The following CAPN3 variants were observed in gnomAD, a reference collection of about 807,000 sequenced individuals.
The protein encoded by CAPN3 is calpain-3.
Under a neutral mutation model 114.0 loss-of-function variants are expected in CAPN3, and 88 were observed. The observed-to-expected ratio is 0.77, with a 90% confidence interval of 0.65 to 0.92. The LOEUF (loss-of-function observed/expected upper bound fraction) is 0.92, where lower values mean the gene tolerates loss of function less well. Ranked by LOEUF, CAPN3 falls within the 40% of genes least tolerant of loss-of-function variation. CAPN3 has a pLI of 0.00. For synonymous variants in CAPN3, 386 were observed against 382.9 expected (o/e 1.01, Z -0.09); for missense variants, 1,028 against 1,069.0 (o/e 0.96, Z 0.53).
intron 1 of CAPN3, among the ~76,000 whole-genome samples, chr15:42,362,330 A>T (rs569398996): frequency 1.3e-4 from 20 of 152,360 alleles, no homozygotes; most frequent in Non-Finnish European, 1.8e-4. Context: ...CAGTGAAATC[A>T]TTGGTGGACT....
At chr15:42,396,102 C>T (rs1204144195) in intron 8 of CAPN3, among the ~76,000 whole-genome samples, 2 of 152,186 alleles carry the variant, frequency 1.3e-5, no homozygotes, top group African/African-American at 4.8e-5. Context: ...CCCATCCCAG[C>T]CCTGTGAACA....
chr15:42,404,070 CAAG>C lies in CAPN3; in HGVS notation c.1782+295_1782+297del, dbSNP rs1216744365. 11 of 546,512 alleles carry C rather than the reference CAAG, an allele frequency of 2.0e-5. No homozygotes were observed. In the African/African-American group the frequency reaches 2.1e-4, roughly 10 times the overall value. 33.9% of individuals were successfully genotyped at this position (546,512 alleles called of 1,614,324 possible). On this transcript the variant is annotated intron_variant, in intron 14 of 23. Transcript: ENST00000397163. ...GGAACAAGGCCACAGGAAGGGATGA[CAAG>C]AGCCGCAGCGAACACTGGATTCTGA...
rs376966106 is a variant in CAPN3, at chr15:42,398,590, TACACACACACACACAC to T, written c.1194-872_1194-857del. On this transcript the variant is annotated intron_variant, in intron 9 of 23. Transcript: ENST00000397163. ...CAGAGCGAGACTCTGTCTCAAAAAA[TACACACACACACACAC>T]ACACACACACACACACACACACACA... 6.5e-4 allele frequency among the ~76,000 whole-genome samples: 78 copies of T among 120,346 alleles called. 1 individual carries two copies. Among genetic ancestry groups the T allele is most frequent in the Admixed American group, 1.7e-3 (20 of 11,708 alleles). The allele number at this position is 120,346 out of a possible 152,430, so 79.0% of individuals were successfully genotyped here.
At chr15:42,386,706 A>G (rs2053417571) in intron 3 of CAPN3, among the ~76,000 whole-genome samples, 1 of 152,144 alleles carries the variant, frequency 6.6e-6, no homozygotes, top group Non-Finnish European at 1.5e-5. Context: ...TACCAAGGCT[A>G]TCACTCCTCT....
chr15:42,406,677 C>T (rs1481427022), intron 15 of CAPN3, among the ~76,000 whole-genome samples: 1 of 152,108 alleles, frequency 6.6e-6, no homozygotes, highest in Non-Finnish European at 1.5e-5. Flanking sequence ...GTGTTTCTTG[C>T]CCTCTTTCTC....
intron 1 of CAPN3, among the ~76,000 whole-genome samples, chr15:42,378,248 C>CCCGGGGGGAGCTATCCTG (rs1209914655): frequency 1.3e-5 from 2 of 152,186 alleles, no homozygotes; most frequent in Non-Finnish European, 2.9e-5. Flanking sequence ...TTGCCCCCAC[C>CCCGGGGGGAGCTATCCTG]CCGGGGGGAG....
In CAPN3 at chr15:42,409,737, A is replaced by G. The variant is rs200870551; in HGVS notation, c.1993-50A>G. 89 of 1,527,392 alleles carry G rather than the reference A, an allele frequency of 5.8e-5. 1 individual carries two copies. The African/African-American group carries it at 6.4e-4, about 11-fold the overall frequency. The allele number at this position is 1,527,392 out of a possible 1,614,324, so 94.6% of individuals were successfully genotyped here. A position where few individuals can be genotyped will look rare whatever the true frequency, so the allele number is the denominator to read the frequency against. On this transcript the variant is annotated intron_variant, in intron 17 of 23. Coordinates refer to ENST00000397163, the MANE Select transcript of CAPN3 (RefSeq NM_000070.3). ...ATTTGTTTTGCAAAGTGTCCGCGCC[A>G]GGAGCTGCTGTACTCCTGAACCATG...
chr15:42,384,353 A>C (rs1462219497), intron 1 of CAPN3, 130 bp from the exon 2 acceptor site: 3 of 722,104 alleles, frequency 4.2e-6, no homozygotes, highest in Non-Finnish European at 7.5e-6. Flanking sequence ...CAGAGGTTTC[A>C]GTGAGCCAAG....
At chr15:42,398,113 CATAT>C (rs2053753629) in intron 9 of CAPN3, among the ~76,000 whole-genome samples, 2 of 131,982 alleles carry the variant, frequency 1.5e-5, no homozygotes, top group Admixed American at 6.9e-5. Context: ...TTTTGGGGTA[CATAT>C]GTACCCATAT....
intron 15 of CAPN3, among the ~76,000 whole-genome samples, chr15:42,407,705 C>G (rs2054063924): frequency 6.6e-6 from 1 of 152,202 alleles, no homozygotes; most frequent in Admixed American, 6.5e-5. Flanking sequence ...ACTGACCATG[C>G]CACTAATCCG....
Position 42,385,531 on chromosome 15 carries a change from CAGAGAG to C in CAPN3, c.380-612_380-607del, listed in dbSNP as rs751078121. ...CCTATTATATATATATATACACACA[CAGAGAG>C]AGAGAGAGAGAGAGAGAGAGAGAAA... On this transcript the variant is annotated intron_variant, in intron 2 of 23. Coordinates refer to ENST00000397163, the MANE Select transcript of CAPN3 (RefSeq NM_000070.3). 1.7e-3 allele frequency: 627 copies of C among 360,346 alleles called. 1 individual carries two copies. Among genetic ancestry groups the C allele is most frequent in the East Asian group, 7.5e-3 (102 of 13,544 alleles). The allele number at this position is 360,346 out of a possible 1,614,324, so 22.3% of individuals were successfully genotyped here.
rs28364456 is a variant in CAPN3 at position 42,394,450 on chromosome 15, A to G, written c.1115+109A>G. On this transcript the variant is annotated intron_variant, in intron 8 of 23. Transcript: ENST00000397163. ...TATTGAAGATGCTTGGTATAAAATC[A>G]CCCTCAAAACCAATGATCCGCAGAG... is the stretch of plus-strand genomic sequence containing the variant. 3.9e-5 allele frequency: 34 copies of G among 870,402 alleles called. No individual in the cohort carries two copies. In the African/African-American group the frequency reaches 4.7e-4, roughly 12 times the overall value. 53.9% of individuals were successfully genotyped at this position (870,402 alleles called of 1,614,324 possible).
intron 1 of CAPN3, among the ~76,000 whole-genome samples, chr15:42,374,787 CA>C (rs1320387877): frequency 1.4e-5 from 2 of 142,054 alleles, no homozygotes; most frequent in Non-Finnish European, 3.1e-5. Context: ...AATCGAATAT[CA>C]TGTCTCTTTT....
intron 1 of CAPN3, among the ~76,000 whole-genome samples, chr15:42,383,894 T>G (rs2053313758): frequency 6.6e-6 from 1 of 151,730 alleles, no homozygotes; most frequent in Non-Finnish European, 1.5e-5. Flanking sequence ...AACTCTCAAG[T>G]TGCATCCTTA....
chr15:42,398,590 T>TACAC (rs376966106), intron 9 of CAPN3, among the ~76,000 whole-genome samples: 10,216 of 120,166 alleles, frequency 0.085, 504 homozygotes, highest in Admixed American at 0.12. Flanking sequence ...TCTCAAAAAA[T>TACAC]ACACACACAC....
intron 23 of CAPN3, 30 bp from the exon 24 acceptor site, chr15:42,411,717 T>C: frequency 1.0e-6 from 1 of 962,302 alleles, no homozygotes; most frequent in Non-Finnish European, 1.7e-6. Flanking sequence ...TCTTTTCTGA[T>C]CTACATTCTG....
rs909668085 is a variant in CAPN3 at position 42,408,250 on chromosome 15, G to A, written c.1840G>A (p.Glu614Lys). The change falls in exon 16 of 24, where the codon GAG becomes AAG. Residue 614 changes from glutamate to lysine, a missense_variant. Physicochemically the swap from Glu to Lys is moderately conservative, Grantham distance 56. Coordinates refer to ENST00000397163, the MANE Select transcript of CAPN3 (RefSeq NM_000070.3). ...FVSDRANSNKELGVDQESEEG... is the reference protein window; with the variant it reads ...FVSDRANSNKKLGVDQESEEG... ...TTCGGACAGAGCAAACAGCAACAAG[G>A]AGCTGGGTGTGGACCAGGAGTCAGA... is the stretch of plus-strand genomic sequence containing the variant. 5 of 1,613,758 alleles carry A rather than the reference G, an allele frequency of 3.1e-6. No individual in the cohort carries two copies. The African/African-American group carries it at 6.7e-5, about 22-fold the overall frequency.
intron 7 of CAPN3, among the ~76,000 whole-genome samples, chr15:42,393,520 C>G (rs1163432400): frequency 6.6e-6 from 1 of 151,650 alleles, no homozygotes; most frequent in Admixed American, 6.6e-5. Flanking sequence ...CTGCATCACC[C>G]ATTGCAGCAG....
intron 15 of CAPN3, among the ~76,000 whole-genome samples, chr15:42,407,159 T>C (rs1190457498): frequency 6.6e-6 from 1 of 152,130 alleles, no homozygotes; most frequent in Non-Finnish European, 1.5e-5. Flanking sequence ...CCTTTTCATA[T>C]CCTTGTCACT....
Sources: allele counts gnomAD v4.1 joint callset (sites outside exome capture counted in the v4.1 genomes callset), GRCh38; gene constraint gnomAD v4.1.1; transcripts MANE v1.5; gene names NCBI Gene and HGNC (gene_info 2026-07-23, HGNC 2026-07-21).